Variants in NCOR1 observed in about 807,000 individuals in gnomAD.
NCOR1 encodes nuclear receptor corepressor 1, also known as protein phosphatase 1, regulatory subunit 109.
In NCOR1, 63 loss-of-function variants were observed where a neutral mutation model predicts 288.1. The ratio of observed to expected loss-of-function variants is 0.22; its 90% CI spans 0.18 to 0.27. The LOEUF (loss-of-function observed/expected upper bound fraction) is 0.27, where lower values mean the gene tolerates loss of function less well. NCOR1 is among the 10% of genes least tolerant of loss of function. The pLI, the probability that NCOR1 is intolerant of heterozygous loss-of-function variation, is 1.00. For synonymous variants in NCOR1, 1,007 were observed against 1,065.9 expected (o/e 0.94, Z 1.08); for missense variants, 2,397 against 3,019.2 (o/e 0.79, Z 4.83).
intron 3 of NCOR1, among the ~76,000 whole-genome samples, chr17:16,184,381 C>A (rs182498433): frequency 6.6e-6 from 1 of 152,086 alleles, no homozygotes. Context: ...AAACAAATAA[C>A]CTGATTTTAA....
At chr17:16,053,152 T>C (rs1366011931) in intron 40 of NCOR1, among the ~76,000 whole-genome samples, 1 of 152,220 alleles carries the variant, frequency 6.6e-6, no homozygotes, top group East Asian at 1.9e-4. Flanking sequence ...GGATGCCCTC[T>C]GTCACCACTT....
rs1972140255 is a variant in NCOR1 at position 16,032,209 on chromosome 17, G to A, written c.*87C>T. On this transcript the variant is annotated 3_prime_UTR_variant, in exon 46 of 46. Coordinates refer to ENST00000268712, the MANE Select transcript of NCOR1 (RefSeq NM_006311.4). ...AAGTCTCAGGGAATAAGTCACAGGA[G>A]GGCAGGTTTTTGACCTGCTACTAAA... The A allele has an allele frequency of 7.6e-7, 1 of 1,310,966 alleles. No homozygotes were observed. Among genetic ancestry groups the A allele is most frequent in the Non-Finnish European group, 1.0e-6 (1 of 977,794 alleles). The allele number at this position is 1,310,966 out of a possible 1,614,324, so 81.2% of individuals were successfully genotyped here. A position where few individuals can be genotyped will look rare whatever the true frequency, so the allele number is the denominator to read the frequency against.
At chr17:16,202,636 G>A (rs530745338) in intron 1 of NCOR1, among the ~76,000 whole-genome samples, 364 of 152,224 alleles carry the variant, frequency 2.4e-3, no homozygotes, top group Admixed American at 4.8e-3. Flanking sequence ...TGGTGTGTGC[G>A]TGAGCTCACC....
chr17:16,114,147 A>AC (rs1377406144), intron 18 of NCOR1, among the ~76,000 whole-genome samples: 1 of 138,850 alleles, frequency 7.2e-6, no homozygotes, highest in African/African-American at 2.8e-5. Flanking sequence ...GGCAGGCAAA[A>AC]AAAAAAAAAA....
At chr17:16,080,085 T>C in intron 25 of NCOR1, 21 bp from the exon 26 acceptor site, 1 of 1,601,118 alleles carries the variant, frequency 6.2e-7, no homozygotes, top group Non-Finnish European at 8.6e-7. Flanking sequence ...ACAAAGCTAT[T>C]AGCAAATTAC....
chr17:16,041,412 T>C (rs1195403585), intron 42 of NCOR1: 1 of 147,956 alleles, frequency 6.8e-6, no homozygotes, highest in African/African-American at 2.5e-5. Context: ...TTCTTTTTTT[T>C]TTTTTTTTTT....
At chr17:16,204,823 A>G (rs1377270508) in intron 1 of NCOR1, among the ~76,000 whole-genome samples, 1 of 152,260 alleles carries the variant, frequency 6.6e-6, no homozygotes, top group Admixed American at 6.5e-5. Context: ...CAGAGATTAA[A>G]TAATGTGCCC....
chr17:16,035,069 G>T, intron 44 of NCOR1, 125 bp from the exon 45 acceptor site: 1 of 868,630 alleles, frequency 1.2e-6, no homozygotes, highest in Non-Finnish European at 1.8e-6. Flanking sequence ...CCAGATCCTG[G>T]TACTCAATGA....
chr17:16,167,987 T>A lies in NCOR1; in HGVS notation c.436-2826A>T, dbSNP rs2082351773. ...TTTGCAAAACATGCACTCTAACAAC[T>A]CAATGTAAAATAAACCAACAGAAAA... On this transcript the variant is annotated intron_variant, in intron 4 of 45. Coordinates refer to ENST00000268712, the MANE Select transcript of NCOR1 (RefSeq NM_006311.4). Among the ~76,000 whole-genome samples, 3 of 150,196 alleles carry A rather than the reference T, an allele frequency of 2.0e-5. No homozygotes were observed. The South Asian group carries it at 6.3e-4, about 31-fold the overall frequency.
rs999058396 is a variant in NCOR1 at position 16,031,314 on chromosome 17, C to G, written c.*982G>C. 5.2e-6 allele frequency: 1 copy of G among 190,932 alleles called. No individual in the cohort carries two copies. Among genetic ancestry groups the G allele is most frequent in the Non-Finnish European group, 1.1e-5 (1 of 91,166 alleles). The allele number at this position is 190,932 out of a possible 1,614,324, so 11.8% of individuals were successfully genotyped here. On this transcript the variant is annotated 3_prime_UTR_variant, in exon 46 of 46. Transcript: ENST00000268712. ...ATCATTATCTTTTAACCCAACCAAT[C>G]ATATATTCAAACTAAGGGAAAAATA...
In NCOR1 at chr17:16,083,866, GA is replaced by G. The variant is rs932284117; in HGVS notation, c.3177+2415del. On this transcript the variant is annotated intron_variant, in intron 23 of 45. Transcript: ENST00000268712. Reference sequence around the variant, plus strand: ...CTTAAATGATTCATGTTTGGGGGGGGAAATAAACATCACCCTTAAAACATGT... The same window carrying G: ...CTTAAATGATTCATGTTTGGGGGGGGAATAAACATCACCCTTAAAACATGT... Among the ~76,000 whole-genome samples the G allele has an allele frequency of 7.9e-5, 12 of 151,694 alleles. No homozygotes were observed. The South Asian group carries it at 1.5e-3, about 18-fold the overall frequency.
intron 10 of NCOR1, among the ~76,000 whole-genome samples, chr17:16,145,232 G>A (rs893908226): frequency 3.3e-5 from 5 of 152,328 alleles, no homozygotes; most frequent in East Asian, 1.9e-4. Flanking sequence ...GTGCAGTGGC[G>A]TGATCTAGGC....
At position 16,194,532 on chromosome 17, in the gene NCOR1, A is replaced by G; in HGVS notation, c.38T>C (p.Phe13Ser). 2.5e-6 allele frequency: 4 copies of G among 1,609,900 alleles called. No individual in the cohort carries two copies. The highest frequency in any genetic ancestry group is 3.4e-6 in the Non-Finnish European group (4 of 1,178,012). ...AGGATAACGACTTTGTTCTGTGCTGAATGCTCCTTGGTTGGGAGGATAACC... is the reference window on the plus strand; with the variant it reads ...AGGATAACGACTTTGTTCTGTGCTGGATGCTCCTTGGTTGGGAGGATAACC... ...SSGYPPNQGAFSTEQSRYPPH... is the reference protein window; with the variant it reads ...SSGYPPNQGASSTEQSRYPPH... The change falls in exon 2 of 46, where the codon TTC becomes TCC. Residue 13 changes from phenylalanine to serine, a missense_variant. Phe to Ser is a radical substitution (Grantham distance 155). This residue lies in a region of NCOR1 where 55 missense variants were observed against 69.6 expected (regional missense o/e 0.79). Transcript: ENST00000268712.
rs1454062294 is a variant in NCOR1, at chr17:16,196,460, A to G, written c.-70-1821T>C. ...CAAGATCAGAGGATCTCCTAAGGCC[A>G]GGCGTTCAAGACCAGTCTGGGCAAT... On this transcript the variant is annotated intron_variant, in intron 1 of 45. Coordinates refer to ENST00000268712, the MANE Select transcript of NCOR1 (RefSeq NM_006311.4). Among the ~76,000 whole-genome samples, 10 of 152,182 alleles carry G rather than the reference A, an allele frequency of 6.6e-5. 1 individual carries two copies. The highest frequency in any genetic ancestry group is 6.6e-4 in the Admixed American group (10 of 15,260).
At chr17:16,177,107 C>G (rs1241019241) in intron 3 of NCOR1, among the ~76,000 whole-genome samples, 1 of 151,954 alleles carries the variant, frequency 6.6e-6, no homozygotes. Context: ...TATATCAAGA[C>G]TTTGTTCTAA....
At chr17:16,037,862 C>T (rs951427845) in intron 44 of NCOR1, among the ~76,000 whole-genome samples, 1 of 152,178 alleles carries the variant, frequency 6.6e-6, no homozygotes, top group Non-Finnish European at 1.5e-5. Context: ...TCAAAAAGAG[C>T]TCAGAAGAGA....
rs750785895 is a variant in NCOR1 at position 16,158,752 on chromosome 17, G to A, written c.732+8C>T. 2.1e-5 allele frequency: 33 copies of A among 1,595,194 alleles called. No homozygotes were observed. Among genetic ancestry groups the A allele is most frequent in the African/African-American group, 4.0e-5 (3 of 74,490 alleles). ...AGGCCTGTGCTGCCAGAGATGGTAT[G>A]AGCTTACCCGATTCTCATCATAAAT... On this transcript the variant is annotated splice_region_variant and intron_variant, in intron 6 of 45. Transcript: ENST00000268712.
chr17:16,206,882 C>T (rs2091573876), intron 1 of NCOR1, among the ~76,000 whole-genome samples: 1 of 152,006 alleles, frequency 6.6e-6, no homozygotes, highest in Non-Finnish European at 1.5e-5. Context: ...TAGATTACAT[C>T]CAAGAAGTGG....
intron 26 of NCOR1, among the ~76,000 whole-genome samples, chr17:16,078,621 G>C (rs1324392618): frequency 3.3e-5 from 5 of 151,822 alleles, no homozygotes. Flanking sequence ...TGCCACCCAG[G>C]CTGGAGTGCA....
Sources: gnomAD v4.1 joint callset for allele counts (sites outside exome capture counted in the v4.1 genomes callset) on GRCh38, gnomAD v4.1.1 for gene constraint, gnomAD v4.1.1 regional missense constraint, MANE v1.5 for transcripts, NCBI Gene and HGNC (gene_info 2026-07-23, HGNC 2026-07-21) for gene names.